The following C2CD3 variants were observed in gnomAD, a reference collection of about 807,000 sequenced individuals.
The protein encoded by C2CD3 is C2 domain-containing protein 3.
A neutral mutation model predicts 234.0 loss-of-function variants in C2CD3; 148 were observed. The ratio of observed to expected loss-of-function variants is 0.63; its 90% CI spans 0.55 to 0.72. The LOEUF (loss-of-function observed/expected upper bound fraction) is 0.72. Ranked by LOEUF, C2CD3 falls within the 30% of genes least tolerant of loss-of-function variation. The pLI is 0.00. For synonymous variants in C2CD3, 1,000 were observed against 1,035.4 expected (o/e 0.97, Z 0.66); for missense variants, 2,577 against 2,811.5 (o/e 0.92, Z 1.89).
chr11:74,156,664 G>C (rs1261825555), intron 3 of C2CD3, among the ~76,000 whole-genome samples: 2 of 151,984 alleles, frequency 1.3e-5, no homozygotes, highest in African/African-American at 4.8e-5. Context: ...GAAAGAAAAA[G>C]AAAAACATAA....
chr11:74,049,167 C>T (rs1175992506), intron 27 of C2CD3, among the ~76,000 whole-genome samples, 170 bp downstream of exon 27: 1 of 152,196 alleles, frequency 6.6e-6, no homozygotes, highest in Non-Finnish European at 1.5e-5. Flanking sequence ...ACCATCACTA[C>T]TAACTAATTC....
chr11:74,130,641 T>G (rs890539148), intron 7 of C2CD3, among the ~76,000 whole-genome samples: 2 of 152,250 alleles, frequency 1.3e-5, no homozygotes, highest in Admixed American at 6.5e-5. Context: ...CTAACTCATA[T>G]TAGTTGACCA....
intron 26 of C2CD3, among the ~76,000 whole-genome samples, chr11:74,051,055 G>T (rs1953658540): frequency 1.3e-5 from 2 of 151,398 alleles, no homozygotes; most frequent in Non-Finnish European, 2.9e-5. Context: ...GGGAGGTTGA[G>T]GAGGGAGGAT....
In C2CD3 at chr11:74,033,372, G is replaced by A; in HGVS notation, c.6788C>T (p.Ser2263Phe). The change falls in exon 31 of 33, where the codon TCC becomes TTC. Residue 2263 changes from serine (S) to phenylalanine (F), a missense_variant. Transcript: ENST00000334126. ...QRQVTTGSET[S>F]TKQSLLLPGP... is the part of the protein sequence containing the mutation. ...ATACAGCAGGAGGCTCTGCTTTGTG[G>A]ACGTCTCTGATCCAGTTGTCACCTG... 1 of 1,535,984 alleles carries A rather than the reference G, an allele frequency of 6.5e-7. No homozygotes were observed. Among genetic ancestry groups the A allele is most frequent in the Non-Finnish European group, 8.7e-7 (1 of 1,146,844 alleles).
At position 74,078,128 on chromosome 11, in the gene C2CD3, C is replaced by T. The variant is rs200072798; in HGVS notation, c.4590G>A (p.Thr1530=). ...CTCCTCACTTACCACTGACAGTTAG[C>T]GTCCTCGCTGACCTCTCCCCAAGTC... ...LARLGERSAR[T]LTVSGVYPLF... is the part of the protein sequence containing the mutation. The change falls in exon 23 of 33, where the codon ACG becomes ACA. Residue 1530 remains threonine, a synonymous_variant. Coordinates refer to ENST00000334126, the MANE Select transcript of C2CD3 (RefSeq NM_001286577.2). 1.1e-5 allele frequency: 17 copies of T among 1,612,794 alleles called. No homozygotes were observed. The highest frequency in any genetic ancestry group is 5.5e-5 in the South Asian group (5 of 90,898).
chr11:74,083,274 C>T (rs1293077738), intron 22 of C2CD3, among the ~76,000 whole-genome samples: 13 of 152,106 alleles, frequency 8.5e-5, no homozygotes, highest in Non-Finnish European at 1.5e-5. Flanking sequence ...TTCCTTACAC[C>T]TTATACAAAA....
At chr11:74,091,572 A>G (rs1463248000) in intron 19 of C2CD3, among the ~76,000 whole-genome samples, 4 of 152,250 alleles carry the variant, frequency 2.6e-5, no homozygotes, top group African/African-American at 9.6e-5. Context: ...TAGAGGGTAC[A>G]CCATCCTGCT....
intron 17 of C2CD3, among the ~76,000 whole-genome samples, 158 bp from the exon 18 acceptor site, chr11:74,094,157 G>A (rs751680220): frequency 1.3e-5 from 2 of 150,690 alleles, no homozygotes; most frequent in Admixed American, 6.6e-5. Flanking sequence ...CCTTGCTGGT[G>A]GACAATTCAT....
At chr11:74,048,157 C>T (rs1591329962) in intron 28 of C2CD3, 48 bp downstream of exon 28, 1 of 1,591,470 alleles carries the variant, frequency 6.3e-7, no homozygotes, top group East Asian at 2.2e-5. Flanking sequence ...AGTTCACACA[C>T]TTCCATTTTT....
At chr11:74,097,912 C>G in intron 16 of C2CD3, 97 bp downstream of exon 16, 10 of 1,236,494 alleles carry the variant, frequency 8.1e-6, no homozygotes, top group Non-Finnish European at 1.1e-5. Flanking sequence ...TTTGTTGAGC[C>G]TTTCATTACA....
Position 74,028,289 on chromosome 11 carries a change from G to T in C2CD3, c.6919C>A (p.Gln2307Lys). ...ATLPPAATTDQDKSEATRGAL... is the reference protein window; with the variant it reads ...ATLPPAATTDKDKSEATRGAL... ...AGGTCAGTTGGCCATTCTCTTACCT[G>T]ATCTGTTGTGGCTGCTGGTGGCAAA... is the stretch of plus-strand genomic sequence containing the variant. The change falls in exon 32 of 33, where the codon CAG becomes AAG. Residue 2307 changes from glutamine (Q) to lysine (K), a missense_variant and splice_region_variant. Coordinates refer to ENST00000334126, the MANE Select transcript of C2CD3 (RefSeq NM_001286577.2). 3.3e-6 allele frequency: 5 copies of T among 1,534,094 alleles called. No homozygotes were observed. The highest frequency in any genetic ancestry group is 4.4e-6 in the Non-Finnish European group (5 of 1,144,964).
At chr11:74,024,755 C>T (rs1401032220) in intron 32 of C2CD3, among the ~76,000 whole-genome samples, 1 of 152,122 alleles carries the variant, frequency 6.6e-6, no homozygotes, top group African/African-American at 2.4e-5. Flanking sequence ...CTTAGGCCAT[C>T]CAGTGCTGGC....
chr11:74,029,252 T>C (rs1214602400), intron 31 of C2CD3, among the ~76,000 whole-genome samples: 1 of 152,214 alleles, frequency 6.6e-6, no homozygotes, highest in Non-Finnish European at 1.5e-5. Flanking sequence ...TTCCAATTTT[T>C]TGTTTCTGTT....
chr11:74,036,191 C>G (rs962503239), intron 30 of C2CD3: 2 of 279,808 alleles, frequency 7.1e-6, no homozygotes, highest in African/African-American at 4.4e-5. Flanking sequence ...TTTTAATATG[C>G]CCCTTTAGAA....
intron 6 of C2CD3, 35 bp downstream of exon 6, chr11:74,133,390 T>C (rs1178128193): frequency 3.8e-6 from 6 of 1,591,822 alleles, no homozygotes; most frequent in Non-Finnish European, 5.2e-6. Context: ...TATTAAGAAA[T>C]GAACTGTTAA....
chr11:74,139,275 C>T (rs770092176), intron 4 of C2CD3, among the ~76,000 whole-genome samples: 1 of 152,230 alleles, frequency 6.6e-6, no homozygotes, highest in Non-Finnish European at 1.5e-5. Flanking sequence ...GATTCTTATT[C>T]CATTCTGTTT....
At chr11:74,127,116 T>G (rs575301625) in intron 7 of C2CD3, among the ~76,000 whole-genome samples, 55 of 152,320 alleles carry the variant, frequency 3.6e-4, no homozygotes, top group African/African-American at 1.3e-3. Flanking sequence ...CAACTGATCC[T>G]CCTACCTCAG....
intron 29 of C2CD3, among the ~76,000 whole-genome samples, chr11:74,038,852 A>G (rs1267767748): frequency 6.6e-6 from 1 of 152,252 alleles, no homozygotes; most frequent in Non-Finnish European, 1.5e-5. Flanking sequence ...TGGGCGTCTC[A>G]GAATAGAAGA....
chr11:74,069,288 G>A (rs1391206805), intron 24 of C2CD3, among the ~76,000 whole-genome samples: 1 of 152,154 alleles, frequency 6.6e-6, no homozygotes, highest in African/African-American at 2.4e-5. Flanking sequence ...TCTTGTAGGT[G>A]GAAATTCATC....
Sources: gnomAD v4.1 joint callset for allele counts (sites outside exome capture counted in the v4.1 genomes callset) on GRCh38, gnomAD v4.1.1 for gene constraint, MANE v1.5 for transcripts, NCBI Gene and HGNC (gene_info 2026-07-23, HGNC 2026-07-21) for gene names.